Variants in NCOR2 observed in about 807,000 individuals in gnomAD.
NCOR2 encodes the protein CTG repeat protein 26.
Under a neutral mutation model 262.9 loss-of-function variants are expected in NCOR2, and 81 were observed. That is an observed-to-expected ratio of 0.31 (90% CI 0.26 to 0.37). The LOEUF (loss-of-function observed/expected upper bound fraction) is 0.37. NCOR2 is among the 10% of genes least tolerant of loss of function. NCOR2 has a pLI of 1.00. For synonymous variants in NCOR2, 1,659 were observed against 1,559.3 expected (o/e 1.06, Z -1.51); for missense variants, 3,385 against 3,621.4 (o/e 0.93, Z 1.68).
chr12:124,479,425 G>A (rs1009517141), intron 3 of NCOR2, among the ~76,000 whole-genome samples: 9 of 147,974 alleles, frequency 6.1e-5, no homozygotes, highest in Non-Finnish European at 1.0e-4. Context: ...GTACATGCAC[G>A]CACACAGGCA....
At chr12:124,339,901 A>T (rs1198866407) in intron 37 of NCOR2, 105 bp downstream of exon 39, 30 of 193,930 alleles carry the variant, frequency 1.5e-4, no homozygotes, top group South Asian at 2.1e-4. Flanking sequence ...CTGCCCACCC[A>T]CCCACCTCCC....
Position 124,523,120 on chromosome 12 carries a change from T to C in NCOR2, c.-118+12445A>G, listed in dbSNP as rs113484291. Among the ~76,000 whole-genome samples the C allele has an allele frequency of 6.6e-6, 1 of 152,170 alleles. No individual in the cohort carries two copies. The highest frequency in any genetic ancestry group is 1.5e-5 in the Non-Finnish European group (1 of 68,038). On this transcript the variant is annotated intron_variant, in intron 1 of 46. Coordinates refer to the NCOR2 transcript ENST00000404621. This position sits in a 1 kb window ranked among gnomAD's most constrained non-coding sequence, Gnocchi z 4.0. ...GCATCAAAATGAAGCCCTGACCACG[T>C]TGGCTAAGGGAAGCCAACGGTACTC...
At chr12:124,385,261 C>G (rs879269027) in intron 17 of NCOR2, among the ~76,000 whole-genome samples, 1 of 152,182 alleles carries the variant, frequency 6.6e-6, no homozygotes, top group Non-Finnish European at 1.5e-5. Context: ...GGGGCTGAGA[C>G]GTCCGCCCCC....
At chr12:124,493,740 A>G (rs2048220307) in intron 1 of NCOR2, among the ~76,000 whole-genome samples, 1 of 152,200 alleles carries the variant, frequency 6.6e-6, no homozygotes, top group South Asian at 2.1e-4. Context: ...GACAAAATAT[A>G]AAATCATTTC....
intron 4 of NCOR2, among the ~76,000 whole-genome samples, chr12:124,470,476 A>C (rs937023031): frequency 4.6e-5 from 7 of 152,216 alleles, no homozygotes; most frequent in African/African-American, 1.7e-4. Flanking sequence ...AAACAAAAGG[A>C]GGCATCTCCA....
At position 124,557,921 on chromosome 12, in the gene NCOR2, G is replaced by A. The variant is rs577575878; in HGVS notation, c.-165+9387C>T. ...TGACTCCTGCCAGGCTCCAGAGGGCGACATCCCCTGCAGGCCCCCATGCTG... is the reference window on the plus strand; with the variant it reads ...TGACTCCTGCCAGGCTCCAGAGGGCAACATCCCCTGCAGGCCCCCATGCTG... On this transcript the variant is annotated intron_variant, in intron 1 of 32. Coordinates refer to the NCOR2 transcript ENST00000458234. 2.6e-5 allele frequency among the ~76,000 whole-genome samples: 4 copies of A among 152,208 alleles called. No homozygotes were observed. In the East Asian group the frequency reaches 5.8e-4, roughly 22 times the overall value.
At chr12:124,339,365 C>CACCTACCT (rs58198311) in intron 37 of NCOR2, among the ~76,000 whole-genome samples, 5,595 of 130,834 alleles carry the variant, frequency 0.043, 143 homozygotes, top group South Asian at 0.055. Context: ...TCCTCTTAGC[C>CACCTACCT]ACCTACCTAC....
chr12:124,430,042 G>A (rs2043828037), intron 9 of NCOR2, among the ~76,000 whole-genome samples: 1 of 133,160 alleles, frequency 7.5e-6, no homozygotes, highest in Non-Finnish European at 1.7e-5. Context: ...TTCCTCCCCT[G>A]TCATATGAGG....
exon 20 of NCOR2, chr12:124,372,514 G>A: frequency 6.3e-7 from 1 of 1,592,812 alleles, no homozygotes; most frequent in Non-Finnish European, 8.5e-7. Flanking sequence ...GGCGCCCAGG[G>A]TGGCTGGGGG....
At chr12:124,424,386 G>A (rs138637534) in intron 11 of NCOR2, among the ~76,000 whole-genome samples, 37 of 152,164 alleles carry the variant, frequency 2.4e-4, no homozygotes, top group African/African-American at 8.7e-4. Context: ...TAGAAAGATC[G>A]TGCCTGCTAT....
At chr12:124,374,265 G>GGAAGCCCA in intron 19 of NCOR2, 148 bp downstream of exon 21, 1 of 763,484 alleles carries the variant, frequency 1.3e-6, no homozygotes. Flanking sequence ...GTGCTGGGAA[G>GGAAGCCCA]GAAGCCCAGA....
At chr12:124,346,602 G>T (rs758901108) in exon 31 of NCOR2, 2 of 1,583,950 alleles carry the variant, frequency 1.3e-6, no homozygotes, top group Non-Finnish European at 8.5e-7. Context: ...CGCGGGGCCA[G>T]GGGCAGCTCG....
intron 22 of NCOR2, among the ~76,000 whole-genome samples, chr12:124,357,694 T>C (rs2038060886): frequency 6.6e-6 from 1 of 151,820 alleles, no homozygotes. Context: ...CAACAGAGAT[T>C]GTCTGGCCCA....
chr12:124,449,625 C>A (rs2136497723), intron 7 of NCOR2, among the ~76,000 whole-genome samples, 190 bp downstream of exon 9: 1 of 151,994 alleles, frequency 6.6e-6, no homozygotes, highest in Admixed American at 6.5e-5. Flanking sequence ...GGGGGACACT[C>A]TCTCTGCTCC....
At chr12:124,506,283 G>A (rs1325316699) in intron 1 of NCOR2, among the ~76,000 whole-genome samples, 2 of 152,158 alleles carry the variant, frequency 1.3e-5, no homozygotes, top group Non-Finnish European at 1.5e-5. Flanking sequence ...CCAAACCCCC[G>A]GCCCTCCCCA....
rs2040210611 is a variant in NCOR2, at chr12:124,378,933, GC to G, written c.2020-550del. ...AGACAAGGTCCTGCCCTTGGAGGCT[GC>G]CCTGCCGCTGGGGAGACTGGCAACG... On this transcript the variant is annotated intron_variant, in intron 17 of 46. Coordinates refer to ENST00000405201, the Ensembl canonical transcript of NCOR2. The surrounding 1 kb of genome is among the most constrained non-coding windows in gnomAD (Gnocchi z 4.2). 6.6e-6 allele frequency among the ~76,000 whole-genome samples: 1 copy of G among 152,270 alleles called. No homozygotes were observed. Among genetic ancestry groups the G allele is most frequent in the Non-Finnish European group, 1.5e-5 (1 of 68,050 alleles).
chr12:124,421,715 C>T (rs897606130), intron 12 of NCOR2, among the ~76,000 whole-genome samples: 5 of 152,224 alleles, frequency 3.3e-5, no homozygotes, highest in South Asian at 4.1e-4. Context: ...GACACACGGA[C>T]GGCAGCCTTT....
chr12:124,532,372 G>A (rs976290258), intron 1 of NCOR2, among the ~76,000 whole-genome samples: 3 of 152,206 alleles, frequency 2.0e-5, no homozygotes, highest in African/African-American at 7.2e-5. Context: ...TCTGTCAGGG[G>A]AGTGCAGAGC....
In NCOR2 at chr12:124,389,617, CT is replaced by C. The variant is rs2041130526; in HGVS notation, c.1877-3731del. Among the ~76,000 whole-genome samples, 1 of 152,154 alleles carries C rather than the reference CT, an allele frequency of 6.6e-6. No homozygotes were observed. The highest frequency in any genetic ancestry group is 2.4e-5 in the African/African-American group (1 of 41,434). On this transcript the variant is annotated intron_variant, in intron 16 of 46. Coordinates refer to ENST00000405201, the Ensembl canonical transcript of NCOR2. This position sits in a 1 kb window ranked among gnomAD's most constrained non-coding sequence, Gnocchi z 4.4. The stretch of plus-strand genomic sequence containing the variant: ...ACCTGAGCTCTGCCCCCTGCCTGGC[CT>C]GATGCTGCCGAGGCTGACCGAGCCC...
Sources: gnomAD v4.1 joint callset for allele counts (sites outside exome capture counted in the v4.1 genomes callset) on GRCh38, gnomAD v4.1.1 for gene constraint, Gnocchi (gnomAD v3.1) non-coding constraint, MANE v1.5 for transcripts, NCBI Gene and HGNC (gene_info 2026-07-23, HGNC 2026-07-21) for gene names.